PINX1: variants seen among roughly 807,000 people sequenced by gnomAD.
PINX1 encodes PIN2/TERF1-interacting telomerase inhibitor 1.
PINX1 carries 34 observed loss-of-function variants against 25.4 expected under a neutral mutation model. The observed-to-expected ratio is 1.34, with a 90% CI of 1.02 to 1.78. The LOEUF is 1.78. PINX1 is among the 40% of genes most tolerant of loss of function. PINX1 has a pLI of 0.00. For synonymous variants in PINX1, 197 were observed against 147.7 expected, an observed-to-expected ratio of 1.33 and a Z score of -2.42; for missense variants, 592 against 404.9, an observed-to-expected ratio of 1.46 and a Z score of -3.97.
At chr8:10,789,030 G>A (rs1801839624) in intron 6 of PINX1, among the ~76,000 whole-genome samples, 1 of 152,174 alleles carries the variant, frequency 6.6e-6, no homozygotes, top group Non-Finnish European at 1.5e-5. Context: ...CCCTTTGTGG[G>A]AGCGTGAAAG....
chr8:10,806,658 G>A (rs1586176062), intron 6 of PINX1, among the ~76,000 whole-genome samples: 1 of 152,160 alleles, frequency 6.6e-6, no homozygotes, highest in Admixed American at 6.5e-5. Context: ...CCAGAGTGGG[G>A]AACAGCAGCC....
chr8:10,796,585 C>A (rs770481221), intron 6 of PINX1, among the ~76,000 whole-genome samples: 12 of 152,108 alleles, frequency 7.9e-5, no homozygotes, highest in Non-Finnish European at 1.5e-4. Flanking sequence ...TTAAAAGATA[C>A]AATGTTTAAA....
intron 5 of PINX1, among the ~76,000 whole-genome samples, chr8:10,821,666 G>C (rs1797874502): frequency 6.6e-6 from 1 of 152,212 alleles, no homozygotes; most frequent in Non-Finnish European, 1.5e-5. Context: ...GAGGTGTAGA[G>C]ATGTCCTCAC....
Position 10,769,436 on chromosome 8 carries a change from A to G in PINX1, c.472-3520T>C, listed in dbSNP as rs543321748. Among the ~76,000 whole-genome samples, 10 of 152,280 alleles carry G rather than the reference A, an allele frequency of 6.6e-5. No individual in the cohort carries two copies. In the South Asian group the frequency reaches 1.0e-3, roughly 16 times the overall value. On this transcript the variant is annotated intron_variant, in intron 6 of 6. Coordinates refer to ENST00000314787, the MANE Select transcript of PINX1 (RefSeq NM_017884.6). ...GTGGGCCTTAATTTCTACCCAATCA[A>G]TAAGTACTTGTGGCTTTGAACTGAG... is the stretch of plus-strand genomic sequence containing the variant.
chr8:10,765,753 C>T lies in PINX1; in HGVS notation c.635G>A (p.Gly212Glu). ...ISETQVERKRGKKRNKEATGK... is the reference protein window; with the variant it reads ...ISETQVERKREKKRNKEATGK... ...TGTGGCCTCTTTATTTCTTTTCTTC[C>T]CCCTTTTACGTTCCACCTGCGTCTC... Residue 212 changes from glycine to glutamate, a missense_variant, in exon 7 of 7, where the codon GGG (glycine) becomes GAG (glutamate). Coordinates refer to ENST00000314787, the MANE Select transcript of PINX1 (RefSeq NM_017884.6). 1 of 1,613,922 alleles carries T rather than the reference C, an allele frequency of 6.2e-7. No homozygotes were observed. The highest frequency in any genetic ancestry group is 8.5e-7 in the Non-Finnish European group (1 of 1,179,888).
Position 10,782,782 on chromosome 8 carries a change from A to G in PINX1, c.472-16866T>C, listed in dbSNP as rs190061794. Among the ~76,000 whole-genome samples the G allele has an allele frequency of 1.7e-3, 239 of 142,220 alleles. 2 individuals carry two copies. Among genetic ancestry groups the G allele is most frequent in the South Asian group, 4.3e-3 (20 of 4,694 alleles). 93.3% of individuals were successfully genotyped at this position (142,220 alleles called of 152,430 possible). On this transcript the variant is annotated intron_variant, in intron 6 of 6. Coordinates refer to ENST00000314787, the MANE Select transcript of PINX1 (RefSeq NM_017884.6). Reference sequence around the variant, plus strand: ...CCAGACTCCCACTGGGTAGAAATGGAAAATTTGATCACCAATAAAGATAAT... The same window carrying G: ...CCAGACTCCCACTGGGTAGAAATGGGAAATTTGATCACCAATAAAGATAAT...
intron 6 of PINX1, among the ~76,000 whole-genome samples, chr8:10,783,635 C>T (rs995480450): frequency 1.3e-5 from 2 of 152,146 alleles, no homozygotes; most frequent in Non-Finnish European, 2.9e-5. Flanking sequence ...CCCAGACTTC[C>T]TGATGAGGTT....
chr8:10,800,310 G>A (rs7826036), intron 6 of PINX1, among the ~76,000 whole-genome samples: 28,227 of 151,984 alleles, frequency 0.19, 2,882 homozygotes, highest in Non-Finnish European at 0.23. Context: ...CGACACTGAT[G>A]CAATCAGATG....
intron 6 of PINX1, among the ~76,000 whole-genome samples, chr8:10,800,527 T>C (rs1287482478): frequency 1.3e-5 from 2 of 151,708 alleles, no homozygotes; most frequent in Admixed American, 6.6e-5. Flanking sequence ...TGGAGTGCAG[T>C]GGCGTGATCT....
At chr8:10,789,376 C>T (rs1335661932) in intron 6 of PINX1, among the ~76,000 whole-genome samples, 1 of 152,176 alleles carries the variant, frequency 6.6e-6, no homozygotes, top group African/African-American at 2.4e-5. Flanking sequence ...AAAATGATCC[C>T]CACAGTCAAG....
At chr8:10,805,845 A>G (rs1488933661) in intron 6 of PINX1, among the ~76,000 whole-genome samples, 1 of 113,172 alleles carries the variant, frequency 8.8e-6, no homozygotes, top group African/African-American at 3.3e-5. Context: ...AAGGGGCCAC[A>G]CTAGCGCTGA....
At chr8:10,796,882 G>A (rs1586163835) in intron 6 of PINX1, among the ~76,000 whole-genome samples, 1 of 152,006 alleles carries the variant, frequency 6.6e-6, no homozygotes, top group East Asian at 1.9e-4. Flanking sequence ...AAATGTATCT[G>A]AGCATGTGAC....
At chr8:10,789,767 G>T (rs1228286983) in intron 6 of PINX1, among the ~76,000 whole-genome samples, 1 of 151,866 alleles carries the variant, frequency 6.6e-6, no homozygotes, top group South Asian at 2.1e-4. Flanking sequence ...AGACAGGAAG[G>T]GTACACACCA....
chr8:10,783,813 T>C (rs1455259010), intron 6 of PINX1, among the ~76,000 whole-genome samples: 1 of 152,186 alleles, frequency 6.6e-6, no homozygotes, highest in African/African-American at 2.4e-5. Flanking sequence ...AATGAGATAT[T>C]ACCCTGAAGG....
At chr8:10,835,074 G>A (rs188234844) in intron 1 of PINX1, among the ~76,000 whole-genome samples, 3 of 152,084 alleles carry the variant, frequency 2.0e-5, no homozygotes, top group Non-Finnish European at 2.9e-5. Context: ...TCCATACTCC[G>A]CCATCAGCAC....
At chr8:10,831,142 G>A (rs1369048470) in intron 4 of PINX1, among the ~76,000 whole-genome samples, 1 of 152,224 alleles carries the variant, frequency 6.6e-6, no homozygotes, top group Non-Finnish European at 1.5e-5. Flanking sequence ...TTCATTTGAG[G>A]CAACATGGTT....
At chr8:10,806,590 C>G (rs1479233886) in intron 6 of PINX1, among the ~76,000 whole-genome samples, 3 of 152,170 alleles carry the variant, frequency 2.0e-5, no homozygotes, top group African/African-American at 7.2e-5. Context: ...TCTTTCTCCA[C>G]TCCTTTCCTT....
At chr8:10,829,496 A>G (rs1188076658) in intron 4 of PINX1, among the ~76,000 whole-genome samples, 1 of 152,058 alleles carries the variant, frequency 6.6e-6, no homozygotes, top group East Asian at 1.9e-4. Context: ...CCTTCCAAAG[A>G]TGATACTACT....
At chr8:10,793,882 C>G (rs1189662053) in intron 6 of PINX1, among the ~76,000 whole-genome samples, 3 of 152,074 alleles carry the variant, frequency 2.0e-5, no homozygotes, top group Admixed American at 6.5e-5. Context: ...ACAGATTTAA[C>G]TCAAGATAAA....
Sources: gnomAD v4.1 joint callset for allele counts (sites outside exome capture counted in the v4.1 genomes callset) on GRCh38, gnomAD v4.1.1 for gene constraint, MANE v1.5 for transcripts, NCBI Gene and HGNC (gene_info 2026-07-23, HGNC 2026-07-21) for gene names.